CCDC181: variants seen among roughly 807,000 people sequenced by gnomAD.
CCDC181 encodes coiled-coil domain-containing protein 181.
CCDC181 carries 35 observed loss-of-function variants against 58.7 expected under a neutral mutation model. The ratio of observed to expected loss-of-function variants is 0.60; its 90% CI spans 0.46 to 0.79. The LOEUF (loss-of-function observed/expected upper bound fraction) is 0.79, where lower values mean the gene tolerates loss of function less well. Ranked by LOEUF, CCDC181 falls within the 30% of genes least tolerant of loss-of-function variation. The probability of loss-of-function intolerance (pLI) is 0.00; values close to 1 mark genes in which losing one functional copy is unlikely to be tolerated. For synonymous variants in CCDC181, 183 were observed against 197.5 expected (o/e 0.93, Z 0.62); for missense variants, 517 against 583.9 (o/e 0.89, Z 1.18).
chr1:169,456,388 T>C (rs1256036939), intron 2 of CCDC181, among the ~76,000 whole-genome samples: 1 of 151,560 alleles, frequency 6.6e-6, no homozygotes, highest in African/African-American at 2.4e-5. Context: ...TCTTCATGTA[T>C]AGTATTTTAA....
At chr1:169,449,372 C>A (rs1657469148) in intron 2 of CCDC181, among the ~76,000 whole-genome samples, 1 of 152,110 alleles carries the variant, frequency 6.6e-6, no homozygotes, top group African/African-American at 2.4e-5. Context: ...ATCCGTTTTC[C>A]TTCCTATAGT....
At chr1:169,400,612 G>A (rs1232302914) in intron 4 of CCDC181, among the ~76,000 whole-genome samples, 1 of 152,124 alleles carries the variant, frequency 6.6e-6, no homozygotes, top group Non-Finnish European at 1.5e-5. Flanking sequence ...GGTCTAATAT[G>A]TAAGAAATGA....
intron 2 of CCDC181, among the ~76,000 whole-genome samples, chr1:169,455,067 C>G (rs949752083): frequency 1.3e-5 from 2 of 151,588 alleles, no homozygotes; most frequent in Non-Finnish European, 3.0e-5. Flanking sequence ...CACAAAATAC[C>G]AAATTTTTTC....
intron 2 of CCDC181, chr1:169,442,995 CAT>C (rs1657276214): frequency 6.6e-6 from 1 of 151,660 alleles, no homozygotes. Context: ...TATAGAGAGA[CAT>C]ATATGTGTCT....
At chr1:169,424,669 T>A in intron 2 of CCDC181, 142 bp downstream of exon 2, 1 of 500,292 alleles carries the variant, frequency 2.0e-6, no homozygotes. Context: ...TTTCTTATCT[T>A]TAAGATGAGG....
At chr1:169,449,737 T>G (rs1293514335) in intron 2 of CCDC181, among the ~76,000 whole-genome samples, 1 of 152,224 alleles carries the variant, frequency 6.6e-6, no homozygotes, top group Non-Finnish European at 1.5e-5. Flanking sequence ...GCCAGTCTGG[T>G]CTTTCCACCT....
At chr1:169,409,734 A>G (rs1182235196) in intron 4 of CCDC181, among the ~76,000 whole-genome samples, 2 of 152,194 alleles carry the variant, frequency 1.3e-5, no homozygotes, top group African/African-American at 4.8e-5. Flanking sequence ...GGGGCCCAAT[A>G]TTCAACATTC....
chr1:169,419,528 T>C (rs1246999664), intron 3 of CCDC181, among the ~76,000 whole-genome samples: 2 of 152,218 alleles, frequency 1.3e-5, no homozygotes, highest in Non-Finnish European at 2.9e-5. Context: ...CAAGACTTTC[T>C]AATTCCTTTT....
chr1:169,454,014 T>C (rs778197369), intron 2 of CCDC181, among the ~76,000 whole-genome samples: 1 of 152,074 alleles, frequency 6.6e-6, no homozygotes, highest in Non-Finnish European at 1.5e-5. Flanking sequence ...TTGCTTTTGA[T>C]GTCCCCTCCT....
At position 169,424,929 on chromosome 1, in the gene CCDC181, T is replaced by A; in HGVS notation, c.-2A>T. On this transcript the variant is annotated 5_prime_UTR_variant, in exon 2 of 6. Coordinates refer to ENST00000367806, the MANE Select transcript of CCDC181 (RefSeq NM_001300969.2). ...ATCAGTATCTTTATTTTCATTCATT[T>A]TCTGTTTGTGAAGGAAATATGCTGT... 1.3e-6 allele frequency: 2 copies of A among 1,539,104 alleles called. No homozygotes were observed. The highest frequency in any genetic ancestry group is 9.0e-7 in the Non-Finnish European group (1 of 1,114,930).
rs375089900 is a variant in CCDC181, at chr1:169,417,495, C to T, written c.1215+1518G>A. Among the ~76,000 whole-genome samples the T allele has an allele frequency of 5.4e-4, 82 of 152,212 alleles. 1 individual carries two copies. Among genetic ancestry groups the T allele is most frequent in the African/African-American group, 1.9e-3 (77 of 41,522 alleles). On this transcript the variant is annotated intron_variant, in intron 4 of 5. Coordinates refer to ENST00000367806, the MANE Select transcript of CCDC181 (RefSeq NM_001300969.2). ...TGAAGCTTCCATGCCCTCTTGGGGGCACACCACCCCCCCAACACCACATTT... is the reference window on the plus strand; with the variant it reads ...TGAAGCTTCCATGCCCTCTTGGGGGTACACCACCCCCCCAACACCACATTT...
At chr1:169,417,288 C>G (rs550098855) in intron 4 of CCDC181, among the ~76,000 whole-genome samples, 86 of 152,342 alleles carry the variant, frequency 5.6e-4, no homozygotes, top group African/African-American at 2.0e-3. Context: ...GAGCTTCTGT[C>G]TGACCAGCTA....
intron 2 of CCDC181, among the ~76,000 whole-genome samples, chr1:169,446,168 G>A (rs1431920513): frequency 6.6e-6 from 1 of 151,922 alleles, no homozygotes; most frequent in Non-Finnish European, 1.5e-5. Flanking sequence ...TTCTTAGGCC[G>A]GGTGCGGTGG....
At chr1:169,449,092 A>C (rs1287166721) in intron 2 of CCDC181, among the ~76,000 whole-genome samples, 1 of 152,204 alleles carries the variant, frequency 6.6e-6, no homozygotes, top group African/African-American at 2.4e-5. Context: ...TAGAACCCTT[A>C]AATATTAACC....
rs1553205046 is a variant in CCDC181 at position 169,414,017 on chromosome 1, A to AC, written c.1215+4995_1215+4996insG. On this transcript the variant is annotated intron_variant, in intron 4 of 5. Transcript: ENST00000367806. ...CACGTATCCCAGAACTTAAAATATAATTAAAAAAAATAATTAAATACAAGT... is the reference window on the plus strand; with the variant it reads ...CACGTATCCCAGAACTTAAAATATAACTTAAAAAAAATAATTAAATACAAGT... Among the ~76,000 whole-genome samples the AC allele has an allele frequency of 4.7e-3, 522 of 111,716 alleles. 3 individuals are homozygous for AC. The highest frequency in any genetic ancestry group is 0.027 in the Middle Eastern group (6 of 222). 73.3% of individuals were successfully genotyped at this position (111,716 alleles called of 152,430 possible).
chr1:169,445,678 A>G (rs1195968657), intron 2 of CCDC181, among the ~76,000 whole-genome samples: 4 of 152,084 alleles, frequency 2.6e-5, no homozygotes, highest in Non-Finnish European at 2.9e-5. Context: ...CTTTGCTTCT[A>G]TTTTCTAGAA....
At chr1:169,443,858 G>A (rs1657298407) in intron 2 of CCDC181, among the ~76,000 whole-genome samples, 1 of 152,088 alleles carries the variant, frequency 6.6e-6, no homozygotes, top group Non-Finnish European at 1.5e-5. Context: ...AATTTGCTCT[G>A]TTGTTATAAA....
chr1:169,429,662 C>T (rs1656853813), upstream of CCDC181, among the ~76,000 whole-genome samples: 2 of 151,780 alleles, frequency 1.3e-5, no homozygotes, highest in Non-Finnish European at 2.9e-5. Flanking sequence ...TTCGTTTTTT[C>T]CTTGCTGATT....
chr1:169,456,883 T>A (rs186309898), intron 2 of CCDC181, among the ~76,000 whole-genome samples: 15 of 152,324 alleles, frequency 9.8e-5, no homozygotes, highest in African/African-American at 3.4e-4. Flanking sequence ...TTTTATCTCA[T>A]CCTCACTTCT....
Sources: allele counts gnomAD v4.1 joint callset (sites outside exome capture counted in the v4.1 genomes callset), GRCh38; gene constraint gnomAD v4.1.1; transcripts MANE v1.5; gene names NCBI Gene and HGNC (gene_info 2026-07-23, HGNC 2026-07-21).